The following ADAM12 variants were observed in gnomAD, a reference collection of about 807,000 sequenced individuals.
The protein encoded by ADAM12 is disintegrin and metalloproteinase domain-containing protein 12.
ADAM12 carries 70 observed loss-of-function variants against 106.4 expected under a neutral mutation model. That is an observed-to-expected ratio of 0.66 (90% CI 0.54 to 0.80). ADAM12 has a LOEUF of 0.80. Ranked by LOEUF, ADAM12 falls within the 30% of genes least tolerant of loss-of-function variation. The pLI is 0.00. For missense variants in ADAM12, 1,010 were observed against 1,171.9 expected (o/e 0.86, Z 2.02); for synonymous variants, 420 against 433.5 (o/e 0.97, Z 0.39).
intron 2 of ADAM12, among the ~76,000 whole-genome samples, chr10:126,296,583 T>C (rs955832884): frequency 6.6e-6 from 1 of 152,204 alleles, no homozygotes; most frequent in African/African-American, 2.4e-5. Context: ...ACCAGCCTCT[T>C]TCTATATTCT....
chr10:126,076,425 A>G (rs1955103589), intron 11 of ADAM12, among the ~76,000 whole-genome samples: 1 of 152,178 alleles, frequency 6.6e-6, no homozygotes, highest in Non-Finnish European at 1.5e-5. Context: ...TCTTTTGGAT[A>G]TATACACAGT....
chr10:126,132,590 A>G (rs7090204), intron 5 of ADAM12, among the ~76,000 whole-genome samples: 2,626 of 146,344 alleles, frequency 0.018, 64 homozygotes, highest in African/African-American at 0.061. Context: ...GATGCTCACT[A>G]GAGGTGGGCA....
intron 3 of ADAM12, among the ~76,000 whole-genome samples, chr10:126,219,387 G>A (rs73382638): frequency 0.026 from 3,947 of 152,188 alleles, 139 homozygotes; most frequent in African/African-American, 0.085. Context: ...TCTCCCCGTG[G>A]GCCAGCAGGG....
chr10:126,269,708 G>A (rs936761297), intron 3 of ADAM12, among the ~76,000 whole-genome samples: 3 of 152,154 alleles, frequency 2.0e-5, no homozygotes, highest in East Asian at 1.9e-4. Context: ...GAGGATTTTC[G>A]TCAGAAAACC....
intron 1 of ADAM12, among the ~76,000 whole-genome samples, chr10:126,348,411 A>C (rs1281504261): frequency 6.6e-6 from 1 of 151,986 alleles, no homozygotes; most frequent in African/African-American, 2.4e-5. Flanking sequence ...GGGGGAGGGA[A>C]AGGAAGCTTC....
At chr10:126,082,370 T>TTTTTG (rs1046324377) in intron 11 of ADAM12, among the ~76,000 whole-genome samples, 2 of 142,992 alleles carry the variant, frequency 1.4e-5, no homozygotes, top group Admixed American at 7.0e-5. Flanking sequence ...ACTGTTTTTT[T>TTTTTG]TTTTTTTTTT....
At chr10:126,241,363 T>C (rs1958520332) in intron 3 of ADAM12, among the ~76,000 whole-genome samples, 1 of 152,232 alleles carries the variant, frequency 6.6e-6, no homozygotes, top group Admixed American at 6.5e-5. Context: ...CCCTTTAAAA[T>C]GGTGAATTTT....
rs201957154 is a variant in ADAM12 at position 126,074,450 on chromosome 10, T to C, written c.1146-2796A>G. ...GTTTTTTGGGGGTTTCCCATCCAAA[T>C]AGGATGAAGGAGAACAGTTTAAGTC... On this transcript the variant is annotated intron_variant, in intron 11 of 22. Transcript: ENST00000448723. Among the ~76,000 whole-genome samples, 187 of 152,248 alleles carry C rather than the reference T, an allele frequency of 1.2e-3. 1 individual carries two copies. The highest frequency in any genetic ancestry group is 4.4e-3 in the African/African-American group (183 of 41,540).
chr10:126,239,909 T>C (rs1958489698), intron 3 of ADAM12, among the ~76,000 whole-genome samples: 1 of 152,240 alleles, frequency 6.6e-6, no homozygotes, highest in African/African-American at 2.4e-5. Context: ...AGGTGAGCTC[T>C]GGTTGGTGTG....
intron 1 of ADAM12, among the ~76,000 whole-genome samples, chr10:126,347,452 A>G (rs139549391): frequency 0.046 from 6,975 of 152,182 alleles, 549 homozygotes; most frequent in African/African-American, 0.16. Flanking sequence ...GCTGCCCTTA[A>G]CATTCTTTCC....
At chr10:126,028,157 C>T (rs755316606) in intron 21 of ADAM12, among the ~76,000 whole-genome samples, 6 of 152,254 alleles carry the variant, frequency 3.9e-5, no homozygotes, top group Non-Finnish European at 7.4e-5. Flanking sequence ...AGGAGAACTA[C>T]ACCACTGCTC....
intron 1 of ADAM12, among the ~76,000 whole-genome samples, chr10:126,363,346 G>T (rs1855802578): frequency 6.6e-6 from 1 of 152,144 alleles, no homozygotes; most frequent in Non-Finnish European, 1.5e-5. Flanking sequence ...CAATGTGACA[G>T]ATTATTTTCA....
chr10:126,129,026 T>C (rs1230409092), intron 5 of ADAM12, among the ~76,000 whole-genome samples: 1 of 152,182 alleles, frequency 6.6e-6, no homozygotes, highest in Non-Finnish European at 1.5e-5. Flanking sequence ...AAAAAGGAAA[T>C]AACTATGATG....
chr10:126,095,227 G>C (rs763871005), intron 10 of ADAM12, among the ~76,000 whole-genome samples: 7 of 152,054 alleles, frequency 4.6e-5, no homozygotes, highest in Admixed American at 2.0e-4. Context: ...TATTGGACGT[G>C]AGGCCTTTAA....
At chr10:126,228,717 G>A (rs969272124) in intron 3 of ADAM12, among the ~76,000 whole-genome samples, 4 of 152,112 alleles carry the variant, frequency 2.6e-5, no homozygotes, top group African/African-American at 9.7e-5. Context: ...AGGAAGGGGT[G>A]GACTTTAAAT....
intron 4 of ADAM12, among the ~76,000 whole-genome samples, chr10:126,149,710 G>C (rs748776474): frequency 6.6e-6 from 1 of 152,136 alleles, no homozygotes; most frequent in Non-Finnish European, 1.5e-5. Flanking sequence ...CTTGAACATC[G>C]GACTTCAAGT....
intron 4 of ADAM12, among the ~76,000 whole-genome samples, chr10:126,150,126 G>A (rs557264220): frequency 8.4e-4 from 128 of 152,330 alleles, no homozygotes; most frequent in African/African-American, 3.0e-3. Context: ...ATCATAGATC[G>A]TGGACATTTG....
At chr10:126,336,236 T>C (rs1308332319) in intron 1 of ADAM12, among the ~76,000 whole-genome samples, 1 of 152,338 alleles carries the variant, frequency 6.6e-6, no homozygotes, top group Non-Finnish European at 1.5e-5. Context: ...AGCTTTGCAA[T>C]TTTTCTGTCA....
chr10:126,340,716 G>A (rs1854893534), intron 1 of ADAM12, among the ~76,000 whole-genome samples: 1 of 143,714 alleles, frequency 7.0e-6, no homozygotes, highest in African/African-American at 2.5e-5. Context: ...CTACCTCGTG[G>A]CCTGTTTTTT....
Sources: gnomAD v4.1 joint callset for allele counts (sites outside exome capture counted in the v4.1 genomes callset) on GRCh38, gnomAD v4.1.1 for gene constraint, MANE v1.5 for transcripts, NCBI Gene and HGNC (gene_info 2026-07-23, HGNC 2026-07-21) for gene names.